The following ARHGEF17 variants were observed in gnomAD, a reference collection of about 807,000 sequenced individuals.
ARHGEF17 encodes the protein Rho guanine nucleotide exchange factor 17.
In ARHGEF17, 80 loss-of-function variants were observed where a neutral mutation model predicts 174.0. That is an observed-to-expected ratio of 0.46 (90% confidence interval 0.38 to 0.55). The LOEUF is 0.55. Among genes scored for constraint, ARHGEF17 ranks in the 20% least tolerant of loss-of-function variants. The pLI is 0.00. For synonymous variants in ARHGEF17, 1,311 were observed against 1,189.1 expected (o/e 1.10, Z -2.11); for missense variants, 2,886 against 2,839.7 (o/e 1.02, Z -0.37).
chr11:73,344,441 C>T (rs1865428040), intron 1 of ARHGEF17, among the ~76,000 whole-genome samples: 1 of 152,350 alleles, frequency 6.6e-6, no homozygotes, highest in African/African-American at 2.4e-5. Flanking sequence ...TCACCCCAGC[C>T]TCCCGGCATC....
At chr11:73,345,889 G>A (rs570057992) in intron 1 of ARHGEF17, among the ~76,000 whole-genome samples, 3 of 152,272 alleles carry the variant, frequency 2.0e-5, no homozygotes, top group South Asian at 4.1e-4. Context: ...TCTAGGGCTT[G>A]GAGTGGAGTC....
Position 73,310,850 on chromosome 11 carries a change from A to C in ARHGEF17, c.2212A>C (p.Ile738Leu), listed in dbSNP as rs1313646318. ...GEAYRSLSDP[I>L]PQRHRAATSE... The stretch of plus-strand genomic sequence containing the variant: ...GGCCTACAGGTCCCTGAGTGACCCA[A>C]TTCCTCAGCGCCACCGGGCTGCCAC... Residue 738 changes from isoleucine to leucine, a missense_variant, in exon 1 of 21, where the codon ATT (isoleucine) becomes CTT (leucine). Ile to Leu is a conservative substitution (Grantham distance 5). Around this residue, in one of 4 missense-constraint regions of ARHGEF17, gnomAD observed 1,728 missense variants for 1,461.2 expected, o/e 1.18. Coordinates refer to ENST00000263674, the MANE Select transcript of ARHGEF17 (RefSeq NM_014786.4). 2 of 1,611,786 alleles carry C rather than the reference A, an allele frequency of 1.2e-6. No individual in the cohort carries two copies. The highest frequency in any genetic ancestry group is 1.7e-6 in the Non-Finnish European group (2 of 1,179,292).
chr11:73,357,474 C>T (rs1409830070), intron 9 of ARHGEF17, 147 bp downstream of exon 9: 2 of 702,480 alleles, frequency 2.8e-6, no homozygotes. Flanking sequence ...AGGGGGCTGG[C>T]ATGAAGGACC....
intron 1 of ARHGEF17, among the ~76,000 whole-genome samples, chr11:73,312,948 G>C (rs547655790): frequency 4.6e-5 from 7 of 152,202 alleles, no homozygotes; most frequent in Non-Finnish European, 7.3e-5. Flanking sequence ...TGGCATCTGG[G>C]TTGGGAGCTA....
At chr11:73,366,454 C>T (rs959048165) in intron 20 of ARHGEF17, among the ~76,000 whole-genome samples, 1 of 152,110 alleles carries the variant, frequency 6.6e-6, no homozygotes, top group Non-Finnish European at 1.5e-5. Flanking sequence ...GGGTGCCAGG[C>T]GCGGTGGCTC....
At chr11:73,334,617 T>G (rs1418180175) in intron 1 of ARHGEF17, among the ~76,000 whole-genome samples, 2 of 152,084 alleles carry the variant, frequency 1.3e-5, no homozygotes, top group Non-Finnish European at 2.9e-5. Context: ...TCTGGCCCCC[T>G]CCTTCCTGCC....
At chr11:73,363,091 C>G in intron 14 of ARHGEF17, 115 bp from the exon 15 acceptor site, 1 of 1,380,088 alleles carries the variant, frequency 7.2e-7, no homozygotes, top group South Asian at 1.5e-5. Context: ...CGGGGAAGAA[C>G]AGCTTTGAGA....
At chr11:73,361,896 T>C (rs1476430169) in intron 12 of ARHGEF17, 144 bp from the exon 13 acceptor site, 2 of 867,030 alleles carry the variant, frequency 2.3e-6, no homozygotes, top group African/African-American at 1.8e-5. Context: ...TGTGTACGCG[T>C]GTGTAGAAGG....
intron 1 of ARHGEF17, among the ~76,000 whole-genome samples, chr11:73,321,432 G>T (rs1049822384): frequency 6.6e-6 from 1 of 152,324 alleles, no homozygotes; most frequent in South Asian, 2.1e-4. Flanking sequence ...CTGTATGCCT[G>T]GTGGGCTTTG....
Position 73,367,529 on chromosome 11 carries a change from G to A in ARHGEF17, c.5996-55G>A. The A allele has an allele frequency of 6.1e-6, 9 of 1,483,854 alleles. No individual in the cohort carries two copies. The South Asian group carries it at 9.7e-5, about 16-fold the overall frequency. The allele number at this position is 1,483,854 out of a possible 1,614,324, so 91.9% of individuals were successfully genotyped here. A position where few individuals can be genotyped will look rare whatever the true frequency, so the allele number is the denominator to read the frequency against. On this transcript the variant is annotated intron_variant, in intron 20 of 20. Coordinates refer to ENST00000263674, the MANE Select transcript of ARHGEF17 (RefSeq NM_014786.4). ...GGTGTGGGAATTCAGGCCCCGATGG[G>A]ACAGTGAAGCCTCCATTCGCCCCCA...
At chr11:73,360,286 CT>C (rs758551517) in intron 10 of ARHGEF17, 33 bp from the exon 11 acceptor site, 3 of 1,609,228 alleles carry the variant, frequency 1.9e-6, no homozygotes, top group Non-Finnish European at 2.5e-6. Flanking sequence ...TGGTGAGATG[CT>C]GGGGCCTGAG....
In ARHGEF17 at chr11:73,310,743, C is replaced by T. The variant is rs1224864225; in HGVS notation, c.2105C>T (p.Thr702Ile). ...WALVSPETPP[T>I]PGALRRRRKV... is the part of the protein sequence containing the mutation. The stretch of plus-strand genomic sequence containing the variant: ...CTGGTGTCGCCTGAGACCCCTCCCA[C>T]ACCAGGTGCCCTCCGCCGACGACGC... The change falls in exon 1 of 21, where the codon ACA (threonine) becomes ATA (isoleucine). Residue 702 changes from threonine to isoleucine, a missense_variant. By Grantham distance (89) the Thr-to-Ile change is moderately conservative (BLOSUM62 -1). Transcript: ENST00000263674. 6.2e-7 allele frequency: 1 copy of T among 1,611,768 alleles called. No homozygotes were observed. Among genetic ancestry groups the T allele is most frequent in the Non-Finnish European group, 8.5e-7 (1 of 1,178,752 alleles).
At chr11:73,367,483 A>G (rs1865859445) in intron 20 of ARHGEF17, 101 bp from the exon 21 acceptor site, 2 of 1,046,262 alleles carry the variant, frequency 1.9e-6, no homozygotes, top group South Asian at 3.0e-5. Context: ...AAGTGTGCAC[A>G]TCTTCCTTCC....
At chr11:73,312,023 G>A (rs1864847685) in intron 1 of ARHGEF17, among the ~76,000 whole-genome samples, 193 bp downstream of exon 1, 1 of 152,234 alleles carries the variant, frequency 6.6e-6, no homozygotes, top group South Asian at 2.1e-4. Context: ...AGGCCCTGTA[G>A]AAGCTTCAGT....
intron 1 of ARHGEF17, among the ~76,000 whole-genome samples, chr11:73,333,635 G>A (rs1188379687): frequency 2.6e-5 from 4 of 152,210 alleles, no homozygotes; most frequent in African/African-American, 9.6e-5. Context: ...CAGGGGCAGG[G>A]CTGGAGTGAC....
At position 73,365,964 on chromosome 11, in the gene ARHGEF17, T is replaced by TA; in HGVS notation, c.5995+18dup. On this transcript the variant is annotated intron_variant, in intron 20 of 20. Transcript: ENST00000263674. This position sits in a 1 kb window ranked among gnomAD's most constrained non-coding sequence, Gnocchi z 4.9. Reference sequence around the variant, plus strand: ...CAGACACAGGTGGGTCAGTGCATCATACCCCAAGCTAGGGATCATGGACAT... The same window carrying TA: ...CAGACACAGGTGGGTCAGTGCATCATAACCCCAAGCTAGGGATCATGGACAT... 1 of 1,590,454 alleles carries TA rather than the reference T, an allele frequency of 6.3e-7. No individual in the cohort carries two copies. Among genetic ancestry groups the TA allele is most frequent in the Non-Finnish European group, 8.5e-7 (1 of 1,171,764 alleles).
At chr11:73,338,659 A>C (rs944958818) in intron 1 of ARHGEF17, among the ~76,000 whole-genome samples, 2 of 152,072 alleles carry the variant, frequency 1.3e-5, no homozygotes, top group African/African-American at 4.8e-5. Context: ...AGGAGGCTGA[A>C]GAAAGGCAAC....
chr11:73,317,615 G>T (rs1864950214), intron 1 of ARHGEF17, among the ~76,000 whole-genome samples: 1 of 152,222 alleles, frequency 6.6e-6, no homozygotes, highest in Non-Finnish European at 1.5e-5. Context: ...GCGCCTTGCT[G>T]GCAAGCCCTG....
At chr11:73,345,232 G>A (rs1865440510) in intron 1 of ARHGEF17, among the ~76,000 whole-genome samples, 1 of 152,090 alleles carries the variant, frequency 6.6e-6, no homozygotes, top group Non-Finnish European at 1.5e-5. Context: ...TGTCTCCAGA[G>A]GCTCTGAGGC....
Sources: gnomAD v4.1 joint callset for allele counts (sites outside exome capture counted in the v4.1 genomes callset) on GRCh38, gnomAD v4.1.1 for gene constraint, gnomAD v4.1.1 regional missense constraint, Gnocchi (gnomAD v3.1) non-coding constraint, MANE v1.5 for transcripts, NCBI Gene and HGNC (gene_info 2026-07-23, HGNC 2026-07-21) for gene names.